RFC3: variants seen among roughly 807,000 people sequenced by gnomAD.
The protein encoded by RFC3 is replication factor C subunit 3.
RFC3 carries 41 observed loss-of-function variants against 45.1 expected under a neutral mutation model. That is an observed-to-expected ratio of 0.91 (90% CI 0.71 to 1.18). The LOEUF is 1.18. Ranked by LOEUF, RFC3 falls within the 50% of genes most tolerant of loss-of-function variation. RFC3 has a pLI of 0.00. For missense variants in RFC3, 423 were observed against 428.1 expected (o/e 0.99, Z 0.10); for synonymous variants, 149 against 144.0 (o/e 1.03, Z -0.25).
At chr13:33,911,802 G>A (rs893373769) in intron 8 of RFC3, among the ~76,000 whole-genome samples, 4 of 152,006 alleles carry the variant, frequency 2.6e-5, no homozygotes, top group Non-Finnish European at 5.9e-5. Flanking sequence ...TGAAGGATCT[G>A]CTTCCATGAC....
chr13:33,937,376 T>C (rs2082893671), intron 8 of RFC3, among the ~76,000 whole-genome samples: 1 of 152,320 alleles, frequency 6.6e-6, no homozygotes, highest in South Asian at 2.1e-4. Context: ...TAGCCTAATA[T>C]TGCATTTCTC....
At chr13:33,899,316 A>G (rs2082623883) in intron 8 of RFC3, among the ~76,000 whole-genome samples, 1 of 151,782 alleles carries the variant, frequency 6.6e-6, no homozygotes, top group Non-Finnish European at 1.5e-5. Context: ...TCAGCAATAC[A>G]TTAATAAGAT....
At chr13:33,931,132 A>G (rs2082849256) in intron 8 of RFC3, among the ~76,000 whole-genome samples, 1 of 152,142 alleles carries the variant, frequency 6.6e-6, no homozygotes, top group Non-Finnish European at 1.5e-5. Context: ...TGAATTGTAG[A>G]AAATTTCCCA....
chr13:33,881,383 CT>C (rs1208114222), intron 8 of RFC3, among the ~76,000 whole-genome samples: 4 of 152,138 alleles, frequency 2.6e-5, no homozygotes, highest in African/African-American at 9.7e-5. Context: ...TTGTTGTAGG[CT>C]CTGTGATGAG....
At chr13:33,830,435 A>C (rs748988956) in intron 5 of RFC3, among the ~76,000 whole-genome samples, 6 of 152,212 alleles carry the variant, frequency 3.9e-5, no homozygotes, top group Non-Finnish European at 8.8e-5. Context: ...ATATATATAC[A>C]TAGATATATT....
chr13:33,933,500 C>T (rs907383446), intron 8 of RFC3, among the ~76,000 whole-genome samples: 1 of 151,970 alleles, frequency 6.6e-6, no homozygotes, highest in Non-Finnish European at 1.5e-5. Context: ...TTAAGAAACC[C>T]TAGCTTAGGT....
intron 8 of RFC3, among the ~76,000 whole-genome samples, chr13:33,935,553 G>T (rs2082880847): frequency 6.6e-6 from 1 of 152,090 alleles, no homozygotes; most frequent in African/African-American, 2.4e-5. Flanking sequence ...GTCTGTAGTG[G>T]TTCACATAAT....
At chr13:33,832,455 A>C (rs778450552) in intron 7 of RFC3, among the ~76,000 whole-genome samples, 1 of 152,210 alleles carries the variant, frequency 6.6e-6, no homozygotes. Context: ...CTTCAAAGGT[A>C]TTGTAACATG....
At chr13:33,853,790 A>G (rs115104095) in intron 8 of RFC3, among the ~76,000 whole-genome samples, 78 of 152,276 alleles carry the variant, frequency 5.1e-4, no homozygotes, top group African/African-American at 1.8e-3. Flanking sequence ...ACCCTAAGAA[A>G]ACCCAAGTCA....
intron 8 of RFC3, among the ~76,000 whole-genome samples, chr13:33,835,696 A>G (rs370267165): frequency 5.3e-4 from 81 of 152,268 alleles, no homozygotes; most frequent in African/African-American, 1.9e-3. Context: ...GACCATATGT[A>G]TAGATTTACT....
chr13:33,829,862 C>T lies in RFC3; in HGVS notation c.418C>T (p.Leu140Phe). 1 of 1,614,080 alleles carries T rather than the reference C, an allele frequency of 6.2e-7. No homozygotes were observed. Among genetic ancestry groups the T allele is most frequent in the Non-Finnish European group, 8.5e-7 (1 of 1,179,932 alleles). The change falls in exon 5 of 9, where the codon CTC becomes TTC. Residue 140 changes from leucine (L) to phenylalanine (F), a missense_variant. Coordinates refer to ENST00000380071, the MANE Select transcript of RFC3 (RefSeq NM_002915.4). ...KVVLLTEVDK[L>F]TKDAQHALRR... ...GGTATTATTGACAGAAGTTGACAAA[C>T]TCACCAAAGATGCTCAGCATGCCTT...
chr13:33,852,048 A>AACTATGAGAGTATTGC (rs1355246075), intron 8 of RFC3, among the ~76,000 whole-genome samples: 2 of 152,208 alleles, frequency 1.3e-5, no homozygotes, highest in Non-Finnish European at 2.9e-5. Context: ...ATTGAAAACT[A>AACTATGAGAGTATTGC]ACTATGAGAG....
intron 7 of RFC3, among the ~76,000 whole-genome samples, chr13:33,833,302 T>A (rs1294277322): frequency 6.6e-6 from 1 of 152,160 alleles, no homozygotes; most frequent in East Asian, 1.9e-4. Flanking sequence ...AATGATTATG[T>A]CAGCTCTTAC....
chr13:33,891,967 A>G (rs958975683), intron 8 of RFC3, among the ~76,000 whole-genome samples: 2 of 152,322 alleles, frequency 1.3e-5, no homozygotes, highest in Admixed American at 6.5e-5. Context: ...TAGCAGGACA[A>G]TTCAACCAGG....
At chr13:33,843,089 A>G (rs896470784) in intron 8 of RFC3, among the ~76,000 whole-genome samples, 1 of 152,170 alleles carries the variant, frequency 6.6e-6, no homozygotes. Context: ...AAAACAAAAA[A>G]ACAAAAAAAA....
intron 8 of RFC3, among the ~76,000 whole-genome samples, chr13:33,894,294 G>T (rs549006368): frequency 6.6e-6 from 1 of 152,262 alleles, no homozygotes; most frequent in South Asian, 2.1e-4. Context: ...CTGATTTAGT[G>T]AGTGGTGGGG....
chr13:33,897,410 A>G (rs936515277), intron 8 of RFC3, among the ~76,000 whole-genome samples: 4 of 152,046 alleles, frequency 2.6e-5, no homozygotes, highest in Non-Finnish European at 5.9e-5. Flanking sequence ...TAACATAAAA[A>G]CCTATAATAG....
intron 7 of RFC3, among the ~76,000 whole-genome samples, chr13:33,833,546 AT>A (rs2082122981): frequency 6.6e-6 from 1 of 152,150 alleles, no homozygotes; most frequent in South Asian, 2.1e-4. Context: ...GAATATGTTA[AT>A]TTTGTAAAAC....
intron 8 of RFC3, among the ~76,000 whole-genome samples, chr13:33,950,839 G>A (rs1387640367): frequency 6.6e-6 from 1 of 151,722 alleles, no homozygotes; most frequent in Admixed American, 6.6e-5. Flanking sequence ...GTTTCTATAA[G>A]ATGGTCCCAT....
Sources: allele counts gnomAD v4.1 joint callset (sites outside exome capture counted in the v4.1 genomes callset), GRCh38; gene constraint gnomAD v4.1.1; transcripts MANE v1.5; gene names NCBI Gene and HGNC (gene_info 2026-07-23, HGNC 2026-07-21).